Variants in FARS2 observed in about 807,000 individuals in gnomAD.
FARS2 encodes phenylalanine--tRNA ligase, mitochondrial.
Under a neutral mutation model 46.4 loss-of-function variants are expected in FARS2, and 40 were observed. That is an observed-to-expected ratio of 0.86 (90% CI 0.67 to 1.12). FARS2 has a LOEUF of 1.12. Among genes scored for constraint, FARS2 ranks in the 50% most tolerant of loss-of-function variants. FARS2 has a pLI of 0.00. For synonymous variants in FARS2, 234 were observed against 214.9 expected, an observed-to-expected ratio of 1.09 and a Z score of -0.78; for missense variants, 513 against 567.9, an observed-to-expected ratio of 0.90 and a Z score of 0.98.
In FARS2 at chr6:5,447,937, A is replaced by G. The variant is rs115593633; in HGVS notation, c.904+16765A>G. Among the ~76,000 whole-genome samples, 697 of 152,358 alleles carry G rather than the reference A, an allele frequency of 4.6e-3. 4 individuals are homozygous for G. Among genetic ancestry groups the G allele is most frequent in the African/African-American group, 0.015 (639 of 41,584 alleles). ...TCAGGGAGGTTATCCCAGAAGAATT[A>G]CCTTGAAGAGTGTTCTTTTACCTTC... On this transcript the variant is annotated intron_variant, in intron 4 of 6. Coordinates refer to ENST00000274680, the MANE Select transcript of FARS2 (RefSeq NM_006567.5).
At position 5,378,184 on chromosome 6, in the gene FARS2, G is replaced by A. The variant is rs537230881; in HGVS notation, c.612+9002G>A. The stretch of plus-strand genomic sequence containing the variant: ...CCTTTAAACATAATCATGCTCATTC[G>A]CCATTTCCTCATGGAGGGATTTTAG... On this transcript the variant is annotated intron_variant, in intron 2 of 6. Transcript: ENST00000274680. Among the ~76,000 whole-genome samples the A allele has an allele frequency of 3.9e-5, 6 of 152,066 alleles. No homozygotes were observed. In the South Asian group the frequency reaches 1.2e-3, roughly 32 times the overall value.
chr6:5,646,565 G>A (rs978093126), intron 6 of FARS2, among the ~76,000 whole-genome samples: 3 of 152,140 alleles, frequency 2.0e-5, no homozygotes, highest in African/African-American at 4.8e-5. Context: ...GAATCTGTTC[G>A]CTATAACTAC....
rs537262351 is a variant in FARS2 at position 5,646,471 on chromosome 6, C to T, written c.1217+33151C>T. Among the ~76,000 whole-genome samples the T allele has an allele frequency of 3.3e-5, 5 of 152,180 alleles. No homozygotes were observed. In the South Asian group the frequency reaches 8.3e-4, roughly 25 times the overall value. ...CAGCATTGCCGGTCTGTGGTCTATG[C>T]GTGATGGCCTTGGATTTCACGGCTC... On this transcript the variant is annotated intron_variant, in intron 6 of 6. Transcript: ENST00000274680.
intron 5 of FARS2, among the ~76,000 whole-genome samples, chr6:5,607,680 A>T (rs1582568699): frequency 2.0e-5 from 3 of 152,236 alleles, no homozygotes; most frequent in African/African-American, 4.8e-5. Flanking sequence ...AACTGAGGTC[A>T]TGCCCCCTCC....
At chr6:5,392,753 CACACACACACACACACAT>C (rs1283012676) in intron 2 of FARS2, among the ~76,000 whole-genome samples, 71 of 140,482 alleles carry the variant, frequency 5.1e-4, no homozygotes, top group African/African-American at 2.1e-3. Flanking sequence ...CACACACACA[CACACACACACACACACAT>C]GTATATATAT....
intron 4 of FARS2, among the ~76,000 whole-genome samples, chr6:5,445,416 A>G (rs1329171611): frequency 2.0e-5 from 3 of 151,102 alleles, no homozygotes; most frequent in African/African-American, 7.3e-5. Context: ...TTCTTATATC[A>G]TTTTTTTTCA....
chr6:5,705,388 T>C (rs942938097), intron 6 of FARS2, among the ~76,000 whole-genome samples: 1 of 152,246 alleles, frequency 6.6e-6, no homozygotes. Context: ...ATGAGTTGCA[T>C]GCGCCATGAA....
At chr6:5,338,194 A>G (rs1771294562) in intron 1 of FARS2, among the ~76,000 whole-genome samples, 1 of 152,206 alleles carries the variant, frequency 6.6e-6, no homozygotes. Flanking sequence ...ATAGAATAAA[A>G]TAGTTTGGAT....
At chr6:5,692,014 G>A (rs966171723) in intron 6 of FARS2, among the ~76,000 whole-genome samples, 1 of 152,220 alleles carries the variant, frequency 6.6e-6, no homozygotes, top group African/African-American at 2.4e-5. Context: ...CTCCTGGTGT[G>A]CTGTTTGCTA....
At chr6:5,573,732 A>G (rs531882997) in intron 5 of FARS2, among the ~76,000 whole-genome samples, 93 of 152,258 alleles carry the variant, frequency 6.1e-4, no homozygotes, top group Non-Finnish European at 1.2e-3. Context: ...CTTAATTAGA[A>G]CACTTTCCAG....
chr6:5,356,101 T>A (rs982945989), intron 1 of FARS2, among the ~76,000 whole-genome samples: 1 of 152,232 alleles, frequency 6.6e-6, no homozygotes, highest in Non-Finnish European at 1.5e-5. Flanking sequence ...ATGGTCTATG[T>A]AGTGTCACAT....
intron 6 of FARS2, among the ~76,000 whole-genome samples, chr6:5,635,427 AATAATAAAGCAGGTTG>A (rs762398480): frequency 6.6e-6 from 1 of 152,202 alleles, no homozygotes; most frequent in Non-Finnish European, 1.5e-5. Context: ...AAGAGGAAAA[AATAATAAAGCAGGTTG>A]AAGATGTCAC....
chr6:5,531,168 A>G (rs1441702094), intron 4 of FARS2, among the ~76,000 whole-genome samples: 1 of 152,062 alleles, frequency 6.6e-6, no homozygotes, highest in East Asian at 1.9e-4. Context: ...TATATCTTAT[A>G]TTTTATATCA....
chr6:5,441,463 C>A (rs1019360713), intron 4 of FARS2, among the ~76,000 whole-genome samples: 1 of 152,108 alleles, frequency 6.6e-6, no homozygotes, highest in African/African-American at 2.4e-5. Context: ...TATTGTAAAA[C>A]AAGTTGACTT....
chr6:5,510,276 T>C (rs546455712), intron 4 of FARS2, among the ~76,000 whole-genome samples: 21 of 152,282 alleles, frequency 1.4e-4, no homozygotes, highest in African/African-American at 4.3e-4. Flanking sequence ...GATGAGTTAG[T>C]CGACCCCTTA....
intron 4 of FARS2, among the ~76,000 whole-genome samples, chr6:5,496,139 T>C (rs1196406310): frequency 6.6e-6 from 1 of 152,182 alleles, no homozygotes; most frequent in Non-Finnish European, 1.5e-5. Context: ...TTTCTTCTTA[T>C]CTTTTTTTTG....
intron 6 of FARS2, among the ~76,000 whole-genome samples, chr6:5,692,335 C>A (rs1052332839): frequency 2.0e-5 from 3 of 152,200 alleles, no homozygotes; most frequent in Admixed American, 6.5e-5. Flanking sequence ...GGCTCCACCC[C>A]CCTTCTATGA....
At chr6:5,709,829 G>A (rs1006917663) in intron 6 of FARS2, among the ~76,000 whole-genome samples, 92 of 152,086 alleles carry the variant, frequency 6.0e-4, no homozygotes, top group Non-Finnish European at 3.4e-4. Flanking sequence ...GGCATTCCCA[G>A]CCCTATTCTC....
At chr6:5,521,836 A>G (rs1342552667) in intron 4 of FARS2, among the ~76,000 whole-genome samples, 1 of 152,212 alleles carries the variant, frequency 6.6e-6, no homozygotes, top group African/African-American at 2.4e-5. Flanking sequence ...GTTGAAGAAC[A>G]TTATCTTCTT....
Sources: allele counts gnomAD v4.1 joint callset (sites outside exome capture counted in the v4.1 genomes callset), GRCh38; gene constraint gnomAD v4.1.1; transcripts MANE v1.5; gene names NCBI Gene and HGNC (gene_info 2026-07-23, HGNC 2026-07-21).